CAMK2A: variants seen among roughly 807,000 people sequenced by gnomAD.
The protein encoded by CAMK2A is calcium/calmodulin-dependent protein kinase type II subunit alpha.
In CAMK2A, 7 loss-of-function variants were observed where a neutral mutation model predicts 79.2. The ratio of observed to expected loss-of-function variants is 0.09; its 90% confidence interval spans 0.05 to 0.17. CAMK2A has a LOEUF of 0.17. CAMK2A is among the 10% of genes least tolerant of loss of function. The probability of loss-of-function intolerance (pLI) is 1.00; values close to 1 mark genes in which losing one functional copy is unlikely to be tolerated. For missense variants in CAMK2A, 214 were observed against 646.4 expected (o/e 0.33, Z 7.25); for synonymous variants, 242 against 251.7 (o/e 0.96, Z 0.36).
intron 13 of CAMK2A, among the ~76,000 whole-genome samples, chr5:150,242,065 A>T (rs984168727): frequency 6.6e-6 from 1 of 152,128 alleles, no homozygotes; most frequent in Non-Finnish European, 1.5e-5. Flanking sequence ...ACGATGCACA[A>T]TGGGACACCA....
chr5:150,251,463 G>C (rs928963003), intron 9 of CAMK2A, among the ~76,000 whole-genome samples: 45 of 152,174 alleles, frequency 3.0e-4, no homozygotes, highest in African/African-American at 1.1e-3. Context: ...GAGTGCTATA[G>C]AATTGTTAGC....
intron 11 of CAMK2A, among the ~76,000 whole-genome samples, chr5:150,249,037 G>A (rs1018072446): frequency 7.2e-5 from 11 of 152,220 alleles, no homozygotes; most frequent in Admixed American, 1.3e-4. Context: ...ACTGCAGGAT[G>A]GGGATGGGAC....
At chr5:150,266,735 C>T (rs1163996849) in intron 2 of CAMK2A, among the ~76,000 whole-genome samples, 9 of 152,206 alleles carry the variant, frequency 5.9e-5, no homozygotes, top group African/African-American at 2.2e-4. Context: ...TAACCACTAC[C>T]TCCACTTGCC....
intron 6 of CAMK2A, among the ~76,000 whole-genome samples, chr5:150,255,948 C>G (rs1490281989): frequency 6.6e-6 from 1 of 152,226 alleles, no homozygotes; most frequent in Non-Finnish European, 1.5e-5. Flanking sequence ...GGATCAGCAG[C>G]GGAGATCCAT....
intron 3 of CAMK2A, 103 bp downstream of exon 3, chr5:150,264,853 G>C: frequency 1.2e-6 from 1 of 831,044 alleles, no homozygotes; most frequent in South Asian, 1.4e-5. Context: ...CCCCAGAGAA[G>C]AGAGCAGCTG....
At chr5:150,251,451 G>GA (rs3836835) in intron 9 of CAMK2A, among the ~76,000 whole-genome samples, 85,211 of 152,096 alleles carry the variant, frequency 0.56, 25,508 homozygotes, top group African/African-American at 0.79. Context: ...AAAACATTCA[G>GA]AGAGTGCTAT....
chr5:150,263,452 A>G (rs1035160005), intron 3 of CAMK2A, among the ~76,000 whole-genome samples: 1 of 151,572 alleles, frequency 6.6e-6, no homozygotes, highest in African/African-American at 2.4e-5. Context: ...ACACACTCAC[A>G]CACGTGCATT....
rs10535541 is a variant in CAMK2A at position 150,248,328 on chromosome 5, TTATATATA to T, written c.901-522_901-515del. 4.6e-3 allele frequency among the ~76,000 whole-genome samples: 657 copies of T among 143,798 alleles called. 7 individuals are homozygous for T. The highest frequency in any genetic ancestry group is 0.016 in the African/African-American group (636 of 39,170). 94.3% of individuals were successfully genotyped at this position (143,798 alleles called of 152,430 possible). On this transcript the variant is annotated intron_variant, in intron 11 of 18. Transcript: ENST00000671881. ...TTTTTTTATTTCCAAGTTTTTTATT[TTATATATA>T]TATATATATTATATAATACTTTAAG... is the stretch of plus-strand genomic sequence containing the variant.
intron 3 of CAMK2A, among the ~76,000 whole-genome samples, chr5:150,264,446 C>T (rs575822235): frequency 2.6e-5 from 4 of 152,352 alleles, no homozygotes; most frequent in South Asian, 2.1e-4. Flanking sequence ...CCCATCCCCA[C>T]GGGTTCTGCT....
At position 150,221,493 on chromosome 5, in the gene CAMK2A, T is replaced by C. The variant is rs184845639; in HGVS notation, c.*1217A>G. The C allele has an allele frequency of 3.3e-5, 13 of 398,388 alleles. No homozygotes were observed. Among genetic ancestry groups the C allele is most frequent in the African/African-American group, 2.7e-4 (13 of 48,556 alleles). The allele number at this position is 398,388 out of a possible 1,614,324, so 24.7% of individuals were successfully genotyped here. On this transcript the variant is annotated 3_prime_UTR_variant, in exon 19 of 19. Coordinates refer to ENST00000671881, the MANE Select transcript of CAMK2A (RefSeq NM_015981.4). ...TATGGTGAGATGAAATCCTGGGAAG[T>C]TCGGTAGAGAAGACCCCAGTTTGCG...
chr5:150,245,283 C>A (rs957152250), intron 12 of CAMK2A, 82 bp from the exon 13 acceptor site: 3 of 1,388,118 alleles, frequency 2.2e-6, no homozygotes, highest in Non-Finnish European at 3.1e-6. Context: ...AGCATCCACA[C>A]GCAGCCGGAG....
chr5:150,226,647 G>T (rs1386707095), intron 17 of CAMK2A, among the ~76,000 whole-genome samples: 1 of 136,058 alleles, frequency 7.3e-6, no homozygotes, highest in Non-Finnish European at 1.5e-5. Context: ...TGAGGCAGGA[G>T]AATTGCTTGA....
intron 4 of CAMK2A, 88 bp downstream of exon 4, chr5:150,257,475 G>T (rs2150285574): frequency 1.7e-6 from 2 of 1,161,714 alleles, no homozygotes; most frequent in South Asian, 1.3e-5. Flanking sequence ...ACCACAAGAG[G>T]GAATTCAGCC....
rs1230959372 is a variant in CAMK2A at position 150,284,735 on chromosome 5, C to T, written c.62+4829G>A. ...TCTGGTCCCTGCACGTCATCTAGTC[C>T]CCTAGCCTGGGCCCTCTCTCTCCTG... On this transcript the variant is annotated intron_variant, in intron 1 of 18. Transcript: ENST00000671881. The surrounding 1 kb of genome is among the most constrained non-coding windows in gnomAD (Gnocchi z 5.3). 6.6e-6 allele frequency among the ~76,000 whole-genome samples: 1 copy of T among 152,162 alleles called. No homozygotes were observed. The highest frequency in any genetic ancestry group is 1.9e-4 in the East Asian group (1 of 5,190).
At chr5:150,244,749 G>A (rs1237308786) in intron 13 of CAMK2A, among the ~76,000 whole-genome samples, 2 of 152,170 alleles carry the variant, frequency 1.3e-5, no homozygotes, top group Admixed American at 6.5e-5. Context: ...GGTGTACAGC[G>A]GGGCAGGGGC....
At chr5:150,239,876 G>C in intron 13 of CAMK2A, 140 bp from the exon 14 acceptor site, 1 of 760,122 alleles carries the variant, frequency 1.3e-6, no homozygotes. Flanking sequence ...CTTGGCATCG[G>C]GACAAGGAGT....
rs1754239368 is a variant in CAMK2A, at chr5:150,220,241, A to C, written c.*2469T>G. 1 of 152,284 alleles carries C rather than the reference A, an allele frequency of 6.6e-6. No homozygotes were observed. Among genetic ancestry groups the C allele is most frequent in the Non-Finnish European group, 1.5e-5 (1 of 68,070 alleles). 9.4% of individuals were successfully genotyped at this position (152,284 alleles called of 1,614,324 possible). A position where few individuals can be genotyped will look rare whatever the true frequency, so the allele number is the denominator to read the frequency against. On this transcript the variant is annotated 3_prime_UTR_variant, in exon 19 of 19. Coordinates refer to ENST00000671881, the MANE Select transcript of CAMK2A (RefSeq NM_015981.4). ...GGAACTTGCCCAAGGTCACACAGCA[A>C]GTCTGGTCAGAGCTGGGAATTGAAG...
rs373504965 is a variant in CAMK2A at position 150,256,732 on chromosome 5, C to T, written c.338+34G>A. 128 of 1,609,928 alleles carry T rather than the reference C, an allele frequency of 8.0e-5. No homozygotes were observed. The highest frequency in any genetic ancestry group is 2.0e-4 in the Admixed American group (12 of 59,986). On this transcript the variant is annotated intron_variant, in intron 5 of 18. Coordinates refer to ENST00000671881, the MANE Select transcript of CAMK2A (RefSeq NM_015981.4). The surrounding 1 kb of genome is among the most constrained non-coding windows in gnomAD (Gnocchi z 4.6). ...ACAGCAGGCAAGAGTGCCCTGTCCC[C>T]GGGTGCCATTGCCAGGCAGCACCTG...
At position 150,262,121 on chromosome 5, in the gene CAMK2A, C is replaced by T. The variant is rs529576120; in HGVS notation, c.217+2835G>A. On this transcript the variant is annotated intron_variant, in intron 3 of 18. Coordinates refer to ENST00000671881, the MANE Select transcript of CAMK2A (RefSeq NM_015981.4). The stretch of plus-strand genomic sequence containing the variant: ...GGATCTGGGAGGTAAATGCTTTGTG[C>T]ACAACACAGTTGGACTGACCTGTGC... Among the ~76,000 whole-genome samples, 5 of 152,306 alleles carry T rather than the reference C, an allele frequency of 3.3e-5. No individual in the cohort carries two copies. In the East Asian group the frequency reaches 9.7e-4, roughly 29 times the overall value.
Sources: gnomAD v4.1 joint callset for allele counts (sites outside exome capture counted in the v4.1 genomes callset) on GRCh38, gnomAD v4.1.1 for gene constraint, Gnocchi (gnomAD v3.1) non-coding constraint, MANE v1.5 for transcripts, NCBI Gene and HGNC (gene_info 2026-07-23, HGNC 2026-07-21) for gene names.